The following RAB38 variants were observed in gnomAD, a reference collection of about 807,000 sequenced individuals.
The protein encoded by RAB38 is ras-related protein Rab-38.
RAB38 carries 15 observed loss-of-function variants against 18.4 expected under a neutral mutation model. That is an observed-to-expected ratio of 0.82 (90% CI 0.55 to 1.26). The LOEUF is 1.26. Among genes scored for constraint, RAB38 ranks in the 50% most tolerant of loss-of-function variants. The pLI is 0.00. For missense variants in RAB38, 294 were observed against 267.4 expected (o/e 1.10, Z -0.69); for synonymous variants, 101 against 104.4 (o/e 0.97, Z 0.20).
the RAB38 span, among the ~76,000 whole-genome samples, chr11:88,054,917 T>C: frequency 6.6e-6 from 1 of 152,192 alleles, no homozygotes; most frequent in South Asian, 2.1e-4. Context: ...GTCAGAGTTG[T>C]CTGGTTCTAA....
At chr11:88,073,683 AC>A in the RAB38 span, among the ~76,000 whole-genome samples, 1 of 152,078 alleles carries the variant, frequency 6.6e-6, no homozygotes, top group African/African-American at 2.4e-5. Flanking sequence ...GCACAAAGGA[AC>A]CAATGACTGA....
At chr11:88,038,420 C>A in the RAB38 span, among the ~76,000 whole-genome samples, 2 of 152,146 alleles carry the variant, frequency 1.3e-5, no homozygotes, top group African/African-American at 4.8e-5. Context: ...ATAATGTTTG[C>A]TTATCATCAT....
At chr11:87,924,686 G>A in the RAB38 span, among the ~76,000 whole-genome samples, 1 of 151,986 alleles carries the variant, frequency 6.6e-6, no homozygotes, top group African/African-American at 2.4e-5. Context: ...TAACAGATCT[G>A]TGGGATGGTA....
intron 2 of RAB38, among the ~76,000 whole-genome samples, chr11:88,141,758 T>C (rs1227818147): frequency 2.0e-5 from 3 of 152,232 alleles, no homozygotes; most frequent in Non-Finnish European, 2.9e-5. Context: ...CAGCACTTTC[T>C]GTTATTTCTC....
the RAB38 span, among the ~76,000 whole-genome samples, chr11:88,025,638 AT>A: frequency 6.6e-6 from 1 of 152,030 alleles, no homozygotes; most frequent in South Asian, 2.1e-4. Flanking sequence ...GATATGGAGC[AT>A]TTTTTTCATA....
chr11:88,093,445 C>T, the RAB38 span, among the ~76,000 whole-genome samples: 1 of 151,336 alleles, frequency 6.6e-6, no homozygotes, highest in African/African-American at 2.4e-5. Context: ...GATTGTGAGA[C>T]AATTTTATAA....
At chr11:87,855,604 C>G in the RAB38 span, among the ~76,000 whole-genome samples, 1 of 152,058 alleles carries the variant, frequency 6.6e-6, no homozygotes, top group Non-Finnish European at 1.5e-5. Context: ...CTAAAATATA[C>G]TTTGCAAATA....
chr11:87,975,587 G>A, the RAB38 span, among the ~76,000 whole-genome samples: 1 of 151,746 alleles, frequency 6.6e-6, no homozygotes, highest in African/African-American at 2.4e-5. Flanking sequence ...ATAGACAACT[G>A]ACTGCTTGGT....
chr11:87,963,143 T>C, the RAB38 span, among the ~76,000 whole-genome samples: 123,087 of 152,014 alleles, frequency 0.81, 49,931 homozygotes, highest in South Asian at 0.9. Flanking sequence ...TTATAAAAAC[T>C]GTAACAGTAT....
chr11:87,946,498 T>C, the RAB38 span, among the ~76,000 whole-genome samples: 10 of 152,144 alleles, frequency 6.6e-5, no homozygotes, highest in Non-Finnish European at 1.5e-4. Flanking sequence ...CATTAACTCC[T>C]CATTTAGCAT....
chr11:88,105,104 C>T, the RAB38 span, among the ~76,000 whole-genome samples: 1 of 151,998 alleles, frequency 6.6e-6, no homozygotes, highest in Non-Finnish European at 1.5e-5. Context: ...CTGATTAAAG[C>T]ATTTTCATAT....
At chr11:87,949,130 G>A in the RAB38 span, among the ~76,000 whole-genome samples, 23,449 of 152,162 alleles carry the variant, frequency 0.15, 2,007 homozygotes, top group South Asian at 0.34. Flanking sequence ...GGGTGTATGT[G>A]TCGAAGAATT....
chr11:87,972,964 C>T, the RAB38 span, among the ~76,000 whole-genome samples: 70,832 of 151,362 alleles, frequency 0.47, 17,075 homozygotes, highest in East Asian at 0.66. Flanking sequence ...AAGTGTGTAG[C>T]ACCTCCCCCT....
At chr11:87,875,313 T>C in the RAB38 span, among the ~76,000 whole-genome samples, 1 of 151,108 alleles carries the variant, frequency 6.6e-6, no homozygotes, top group African/African-American at 2.4e-5. Context: ...GATTTATCAA[T>C]TAAAAATAAA....
chr11:87,967,970 T>C, the RAB38 span, among the ~76,000 whole-genome samples: 2 of 152,156 alleles, frequency 1.3e-5, no homozygotes, highest in African/African-American at 2.4e-5. Flanking sequence ...ATATGTCTTC[T>C]TATTCTGAGG....
chr11:87,960,604 G>C, the RAB38 span, among the ~76,000 whole-genome samples: 596 of 152,098 alleles, frequency 3.9e-3, 3 homozygotes, highest in African/African-American at 0.012. Flanking sequence ...AGGAAACTGA[G>C]GTTACTTTCT....
chr11:87,905,906 A>G, the RAB38 span, among the ~76,000 whole-genome samples: 1 of 151,890 alleles, frequency 6.6e-6, no homozygotes, highest in Non-Finnish European at 1.5e-5. Context: ...AGTCCCTTAC[A>G]TTATGTCCAA....
the RAB38 span, among the ~76,000 whole-genome samples, chr11:87,976,530 T>G: frequency 0.083 from 2 of 24 alleles, no homozygotes; most frequent in East Asian, 0.5. Context: ...TTATATATAT[T>G]TTTTACATTT....
chr11:88,136,191 G>T (rs1942832278), intron 2 of RAB38, among the ~76,000 whole-genome samples: 1 of 152,174 alleles, frequency 6.6e-6, no homozygotes, highest in South Asian at 2.1e-4. Context: ...CCACAGACAG[G>T]CTACAGAGGA....
Sources: allele counts gnomAD v4.1 joint callset (sites outside exome capture counted in the v4.1 genomes callset), GRCh38; gene constraint gnomAD v4.1.1; transcripts MANE v1.5; gene names NCBI Gene and HGNC (gene_info 2026-07-23, HGNC 2026-07-21).